Variants in ABCB5 observed in about 807,000 individuals in gnomAD.
The protein encoded by ABCB5 is ATP binding cassette subfamily B member 5, also known as ATP-binding cassette sub-family B member 5.
A neutral mutation model predicts 144.2 loss-of-function variants in ABCB5; 155 were observed. The observed-to-expected ratio is 1.08, with a 90% CI of 0.94 to 1.23. The LOEUF (loss-of-function observed/expected upper bound fraction) is 1.23. Ranked by LOEUF, ABCB5 falls within the 50% of genes most tolerant of loss-of-function variation. ABCB5 has a pLI of 0.00. For missense variants in ABCB5, 1,830 were observed against 1,520.8 expected (o/e 1.20, Z -3.38); for synonymous variants, 610 against 528.6 (o/e 1.15, Z -2.11).
Position 20,721,041 on chromosome 7 carries a change from A to C in ABCB5, c.2422-1975A>C, listed in dbSNP as rs568555921. Among the ~76,000 whole-genome samples, 5 of 151,970 alleles carry C rather than the reference A, an allele frequency of 3.3e-5. No individual in the cohort carries two copies. The South Asian group carries it at 1.0e-3, about 32-fold the overall frequency. On this transcript the variant is annotated intron_variant, in intron 20 of 27. Coordinates refer to ENST00000404938, the MANE Select transcript of ABCB5 (RefSeq NM_001163941.2). ...TAAATGAAATGTGTGATTCCAATGT[A>C]GATATCCTTTCACTATAAAATACAT...
At chr7:20,650,793 A>G (rs1262721407) in intron 12 of ABCB5, among the ~76,000 whole-genome samples, 2 of 152,212 alleles carry the variant, frequency 1.3e-5, no homozygotes, top group Non-Finnish European at 2.9e-5. Flanking sequence ...ATGTGACTAC[A>G]TAAATTATTA....
chr7:20,719,938 T>A (rs1360722077), intron 20 of ABCB5, among the ~76,000 whole-genome samples: 2 of 111,736 alleles, frequency 1.8e-5, no homozygotes, highest in Non-Finnish European at 3.6e-5. Context: ...TTTGTACCTA[T>A]CAATACACAC....
intron 14 of ABCB5, among the ~76,000 whole-genome samples, chr7:20,665,770 T>TAGATAGATAG (rs1466333096): frequency 4.8e-5 from 6 of 124,488 alleles, no homozygotes; most frequent in African/African-American, 1.0e-4. Flanking sequence ...TAGATAGAGA[T>TAGATAGATAG]ACATACATAC....
In ABCB5 at chr7:20,666,189, A is replaced by AAG. The variant is rs1412563568; in HGVS notation, c.1707+7513_1707+7514insAG. 2.2e-3 allele frequency among the ~76,000 whole-genome samples: 330 copies of AAG among 149,096 alleles called. 6 individuals are homozygous for AAG. The South Asian group carries it at 0.04, about 18-fold the overall frequency. Reference sequence around the variant, plus strand: ...CTGTCTCAAAAAAAAAAAAAAAAAAAGTTGACGATAACAGCACTACATCAT... The same window carrying AAG: ...CTGTCTCAAAAAAAAAAAAAAAAAAAAGGTTGACGATAACAGCACTACATCAT... On this transcript the variant is annotated intron_variant, in intron 14 of 27. Transcript: ENST00000404938.
intron 25 of ABCB5, among the ~76,000 whole-genome samples, chr7:20,744,024 T>G (rs546779503): frequency 6.6e-6 from 1 of 152,230 alleles, no homozygotes; most frequent in South Asian, 2.1e-4. Flanking sequence ...CATCATGCAC[T>G]GTGCTTTTTC....
intron 19 of ABCB5, among the ~76,000 whole-genome samples, chr7:20,703,523 T>A (rs2128044159): frequency 6.6e-6 from 1 of 152,330 alleles, no homozygotes; most frequent in East Asian, 1.9e-4. Flanking sequence ...ACATATGATG[T>A]GCGTGATTAA....
intron 9 of ABCB5, among the ~76,000 whole-genome samples, chr7:20,646,855 T>C (rs907318789): frequency 2.0e-5 from 3 of 152,342 alleles, no homozygotes; most frequent in East Asian, 3.9e-4. Flanking sequence ...ATTAAGACTT[T>C]TAGCTATTCA....
At position 20,755,657 on chromosome 7, in the gene ABCB5, T is replaced by C. The variant is rs1365732539; in HGVS notation, c.*33T>C. 1 of 1,599,680 alleles carries C rather than the reference T, an allele frequency of 6.3e-7. No individual in the cohort carries two copies. The highest frequency in any genetic ancestry group is 1.7e-5 in the Admixed American group (1 of 59,918). ...GAGGTAGCACATATTTTGATGTTCGTGTAATGCAAAGAAGGAGTACTTAAT... is the reference window on the plus strand; with the variant it reads ...GAGGTAGCACATATTTTGATGTTCGCGTAATGCAAAGAAGGAGTACTTAAT... On this transcript the variant is annotated 3_prime_UTR_variant, in exon 28 of 28. Transcript: ENST00000404938.
At chr7:20,617,844 A>G (rs1388788956) in intron 1 of ABCB5, among the ~76,000 whole-genome samples, 1 of 152,226 alleles carries the variant, frequency 6.6e-6, no homozygotes, top group Non-Finnish European at 1.5e-5. Context: ...TTACACCTCA[A>G]GTCAAAACCT....
chr7:20,689,602 G>C (rs758479333), intron 16 of ABCB5, among the ~76,000 whole-genome samples: 3 of 152,120 alleles, frequency 2.0e-5, no homozygotes, highest in African/African-American at 4.8e-5. Context: ...AAAGCACCCA[G>C]TGGCCACACA....
chr7:20,699,713 G>GA (rs376484007), intron 17 of ABCB5, 112 bp from the exon 18 acceptor site: 48,841 of 517,676 alleles, frequency 0.094, 71 homozygotes, highest in East Asian at 0.13. Context: ...TCTCATAAAA[G>GA]AAAAAAAAAA....
chr7:20,673,624 C>T (rs1306860911), intron 14 of ABCB5, among the ~76,000 whole-genome samples: 2 of 151,854 alleles, frequency 1.3e-5, no homozygotes, highest in East Asian at 3.8e-4. Flanking sequence ...AGTTTTTTAT[C>T]CTTTTAGTCT....
Position 20,665,764 on chromosome 7 carries a change from TAG to T in ABCB5, c.1707+7092_1707+7093del, listed in dbSNP as rs1295833542. On this transcript the variant is annotated intron_variant, in intron 14 of 27. Coordinates refer to ENST00000404938, the MANE Select transcript of ABCB5 (RefSeq NM_001163941.2). ...ATAGATAGATAGATAGATAGATAGA[TAG>T]AGATACATACATACATACATACATA... Among the ~76,000 whole-genome samples the T allele has an allele frequency of 5.0e-3, 659 of 130,498 alleles. 4 individuals carry two copies. Among genetic ancestry groups the T allele is most frequent in the East Asian group, 8.4e-3 (34 of 4,054 alleles). The allele number at this position is 130,498 out of a possible 152,430, so 85.6% of individuals were successfully genotyped here.
At chr7:20,728,193 GA>G (rs1360315815) in intron 22 of ABCB5, 121 bp from the exon 23 acceptor site, 4 of 1,176,542 alleles carry the variant, frequency 3.4e-6, no homozygotes, top group Non-Finnish European at 4.7e-6. Flanking sequence ...TTCATCATTC[GA>G]AAAATGCCTT....
At chr7:20,624,376 T>G (rs527777371) in intron 2 of ABCB5, among the ~76,000 whole-genome samples, 124 of 152,280 alleles carry the variant, frequency 8.1e-4, no homozygotes, top group African/African-American at 2.9e-3. Context: ...ATCTTTAAAG[T>G]GGTCATGATA....
intron 13 of ABCB5, among the ~76,000 whole-genome samples, chr7:20,653,630 G>C (rs1583397354): frequency 6.6e-6 from 1 of 152,290 alleles, no homozygotes; most frequent in East Asian, 1.9e-4. Flanking sequence ...CATGAATTCT[G>C]TCTGGGAACA....
chr7:20,664,456 C>G (rs568556492), intron 14 of ABCB5, among the ~76,000 whole-genome samples: 12 of 152,244 alleles, frequency 7.9e-5, no homozygotes, highest in African/African-American at 2.6e-4. Flanking sequence ...ACTAAAAGGT[C>G]TTCTAAGACA....
rs2128024521 is a variant in ABCB5, at chr7:20,647,998, G to C, written c.1126G>C (p.Gly376Arg). Reference sequence around the variant, plus strand: ...CAGTATAGATAACTTTTCCACAGCTGGATATAAACCTGAATCCATAGAAGG... The same window carrying C: ...CAGTATAGATAACTTTTCCACAGCTCGATATAAACCTGAATCCATAGAAGG... Reference protein sequence around the residue: ...KPSIDNFSTAGYKPESIEGTV... With the variant: ...KPSIDNFSTARYKPESIEGTV... The change falls in exon 11 of 28, where the codon GGA (glycine) becomes CGA (arginine). Residue 376 changes from glycine (G) to arginine (R), a missense_variant. Gly to Arg is a moderately radical substitution (Grantham distance 125). Transcript: ENST00000404938. 6.2e-7 allele frequency: 1 copy of C among 1,610,656 alleles called. No individual in the cohort carries two copies. Among genetic ancestry groups the C allele is most frequent in the Middle Eastern group, 1.7e-4 (1 of 6,018 alleles).
chr7:20,683,367 A>G (rs111579312), intron 15 of ABCB5, among the ~76,000 whole-genome samples: 4,415 of 152,326 alleles, frequency 0.029, 165 homozygotes, highest in African/African-American at 0.081. Flanking sequence ...TTTATTCCAC[A>G]GTAGACCTAA....
Sources: allele counts gnomAD v4.1 joint callset (sites outside exome capture counted in the v4.1 genomes callset), GRCh38; gene constraint gnomAD v4.1.1; transcripts MANE v1.5; gene names NCBI Gene and HGNC (gene_info 2026-07-23, HGNC 2026-07-21).